Variants in UBTD2 observed in about 807,000 individuals in gnomAD.
The protein encoded by UBTD2 is ubiquitin domain-containing protein 2.
Under a neutral mutation model 19.8 loss-of-function variants are expected in UBTD2, and 9 were observed. The ratio of observed to expected loss-of-function variants is 0.46; its 90% CI spans 0.27 to 0.79. UBTD2 has a LOEUF of 0.79. Among genes scored for constraint, UBTD2 ranks in the 30% least tolerant of loss-of-function variants. The pLI is 0.14. For synonymous variants in UBTD2, 98 were observed against 103.9 expected (o/e 0.94, Z 0.35); for missense variants, 250 against 300.4 (o/e 0.83, Z 1.24).
At chr5:172,262,850 C>T (rs897760693) in intron 1 of UBTD2, among the ~76,000 whole-genome samples, 6 of 152,248 alleles carry the variant, frequency 3.9e-5, no homozygotes, top group Admixed American at 2.0e-4. Context: ...GTTCTTTTCA[C>T]GTCTATAAAT....
intron 2 of UBTD2, among the ~76,000 whole-genome samples, chr5:172,228,372 T>C (rs923677449): frequency 1.3e-5 from 2 of 152,192 alleles, no homozygotes; most frequent in Admixed American, 1.3e-4. Context: ...TTCTGATCTG[T>C]GCAAAGTGGG....
chr5:172,217,281 T>C (rs1258878901), intron 2 of UBTD2, among the ~76,000 whole-genome samples: 2 of 151,350 alleles, frequency 1.3e-5, no homozygotes, highest in African/African-American at 2.4e-5. Context: ...TAGCCAGGCA[T>C]GGTGGTGGGT....
Position 172,262,446 on chromosome 5 carries a change from C to CAAA in UBTD2, c.70+21147_70+21149dup, listed in dbSNP as rs1191776236. Among the ~76,000 whole-genome samples the CAAA allele has an allele frequency of 6.9e-3, 331 of 48,286 alleles. 5 individuals carry two copies. Among genetic ancestry groups the CAAA allele is most frequent in the African/African-American group, 0.02 (242 of 12,344 alleles). 31.7% of individuals were successfully genotyped at this position (48,286 alleles called of 152,430 possible). A position where few individuals can be genotyped will look rare whatever the true frequency, so the allele number is the denominator to read the frequency against. On this transcript the variant is annotated intron_variant, in intron 1 of 2. Transcript: ENST00000393792. ...GCCTGGGTGACAGAGACAGATCCAC[C>CAAA]AAAAAAAAAAAAAAAAAAAAAACAA...
At chr5:172,255,108 G>T in intron 1 of UBTD2, 1 of 483,172 alleles carries the variant, frequency 2.1e-6, no homozygotes, top group South Asian at 1.8e-5. Flanking sequence ...GCCTGGAGAA[G>T]GGGATGAGTA....
chr5:172,257,326 T>C (rs556143359), intron 1 of UBTD2, among the ~76,000 whole-genome samples: 15 of 152,372 alleles, frequency 9.8e-5, no homozygotes, highest in African/African-American at 3.4e-4. Context: ...TCCTTCTTTT[T>C]ATAGCTGTGT....
At chr5:172,255,965 T>C (rs1403759875) in intron 1 of UBTD2, among the ~76,000 whole-genome samples, 4 of 152,058 alleles carry the variant, frequency 2.6e-5, no homozygotes, top group African/African-American at 7.2e-5. Flanking sequence ...GGCGGATACC[T>C]GTAATCCCAG....
intron 1 of UBTD2, among the ~76,000 whole-genome samples, chr5:172,276,154 C>CA (rs1010311695): frequency 6.6e-6 from 1 of 152,144 alleles, no homozygotes; most frequent in African/African-American, 2.4e-5. Flanking sequence ...GCTCCAGAGA[C>CA]AAAACTTTCT....
chr5:172,244,415 G>C (rs1377796714), intron 1 of UBTD2, among the ~76,000 whole-genome samples: 1 of 150,330 alleles, frequency 6.7e-6, no homozygotes, highest in Non-Finnish European at 1.5e-5. Context: ...TCCTGCCTCA[G>C]CCTCCGGGGT....
intron 1 of UBTD2, among the ~76,000 whole-genome samples, chr5:172,266,529 C>T (rs939025154): frequency 1.3e-5 from 2 of 152,176 alleles, no homozygotes; most frequent in Non-Finnish European, 2.9e-5. Flanking sequence ...TGAAGTACTT[C>T]CTGTCTGAAT....
chr5:172,277,580 C>T (rs1015650832), intron 1 of UBTD2, among the ~76,000 whole-genome samples: 2 of 151,912 alleles, frequency 1.3e-5, no homozygotes, highest in Non-Finnish European at 2.9e-5. Context: ...GTGGTGCACA[C>T]CTGTGGTCCC....
chr5:172,264,746 T>C (rs1316005374), intron 1 of UBTD2, among the ~76,000 whole-genome samples: 2 of 151,218 alleles, frequency 1.3e-5, no homozygotes, highest in African/African-American at 4.9e-5. Context: ...CATAGTGGCA[T>C]GCGCCTATAG....
intron 1 of UBTD2, among the ~76,000 whole-genome samples, chr5:172,238,990 G>A (rs1012056874): frequency 2.3e-4 from 35 of 152,172 alleles, no homozygotes; most frequent in African/African-American, 7.0e-4. Flanking sequence ...AAGGACACTT[G>A]CAAATATTTT....
chr5:172,233,808 G>A (rs1414500357), intron 2 of UBTD2, among the ~76,000 whole-genome samples: 1 of 148,882 alleles, frequency 6.7e-6, no homozygotes, highest in Admixed American at 6.7e-5. Context: ...GGCTGGTGAG[G>A]TGGGGGTGGG....
At position 172,273,590 on chromosome 5, in the gene UBTD2, CAAAAAAAAAA is replaced by C. The variant is rs35687001; in HGVS notation, c.70+9996_70+10005del. On this transcript the variant is annotated intron_variant, in intron 1 of 2. Coordinates refer to ENST00000393792, the MANE Select transcript of UBTD2 (RefSeq NM_152277.3). Reference sequence around the variant, plus strand: ...TGGGCGACAGAGTGAGACTCCGTCTCAAAAAAAAAAAAAAAAAAAAAAAAAAAAAGGCTTT... The same window carrying C: ...TGGGCGACAGAGTGAGACTCCGTCTCAAAAAAAAAAAAAAAAAAAGGCTTT... Among the ~76,000 whole-genome samples the C allele has an allele frequency of 1.9e-4, 7 of 36,424 alleles. No homozygotes were observed. In the South Asian group the frequency reaches 3.0e-3, roughly 15 times the overall value. 23.9% of individuals were successfully genotyped at this position (36,424 alleles called of 152,430 possible).
intron 1 of UBTD2, chr5:172,255,230 G>C: frequency 6.6e-6 from 3 of 451,810 alleles, no homozygotes; most frequent in South Asian, 1.9e-5. Context: ...GGTGAACTCC[G>C]CTTGCTCACC....
chr5:172,272,029 A>G (rs908406982), intron 1 of UBTD2, among the ~76,000 whole-genome samples: 2 of 152,226 alleles, frequency 1.3e-5, no homozygotes, highest in Non-Finnish European at 2.9e-5. Flanking sequence ...ATTTAGAATG[A>G]TTTTCACATG....
rs1048877070 is a variant in UBTD2 at position 172,283,544 on chromosome 5, G to C, written c.70+52C>G. ...CCGCGGGGGTCGGGACAGGTGGCCG[G>C]GCCTGGCCGGGAACAATGGGGGGCC... On this transcript the variant is annotated intron_variant, in intron 1 of 2. Coordinates refer to ENST00000393792, the MANE Select transcript of UBTD2 (RefSeq NM_152277.3). This position sits in a 1 kb window ranked among gnomAD's most constrained non-coding sequence, Gnocchi z 4.3. 20 of 1,261,130 alleles carry C rather than the reference G, an allele frequency of 1.6e-5. No individual in the cohort carries two copies. Among genetic ancestry groups the C allele is most frequent in the Non-Finnish European group, 1.7e-5 (17 of 995,460 alleles). The allele number at this position is 1,261,130 out of a possible 1,614,324, so 78.1% of individuals were successfully genotyped here.
chr5:172,280,964 A>G (rs1755703229), intron 1 of UBTD2, among the ~76,000 whole-genome samples: 1 of 152,268 alleles, frequency 6.6e-6, no homozygotes, highest in African/African-American at 2.4e-5. Context: ...AAATGGTCAA[A>G]AGATTTTTTT....
intron 1 of UBTD2, among the ~76,000 whole-genome samples, chr5:172,266,095 G>A (rs553828946): frequency 2.9e-4 from 44 of 151,976 alleles, no homozygotes; most frequent in African/African-American, 1.0e-3. Flanking sequence ...CACCACACCC[G>A]GCTAATTTTT....
Sources: allele counts gnomAD v4.1 joint callset (sites outside exome capture counted in the v4.1 genomes callset), GRCh38; gene constraint gnomAD v4.1.1; non-coding constraint Gnocchi (gnomAD v3.1); transcripts MANE v1.5; gene names NCBI Gene and HGNC (gene_info 2026-07-23, HGNC 2026-07-21).